NKAIN3: variants seen among roughly 807,000 people sequenced by gnomAD.
The protein encoded by NKAIN3 is sodium/potassium transporting ATPase interacting 3.
Under a neutral mutation model 30.2 loss-of-function variants are expected in NKAIN3, and 25 were observed. The observed-to-expected ratio is 0.83, with a 90% CI of 0.60 to 1.16. NKAIN3 has a LOEUF of 1.16. Among genes scored for constraint, NKAIN3 ranks in the 50% most tolerant of loss-of-function variants. The pLI is 0.00. For synonymous variants in NKAIN3, 91 were observed against 89.6 expected, an observed-to-expected ratio of 1.02 and a Z score of -0.09; for missense variants, 225 against 254.1, an observed-to-expected ratio of 0.89 and a Z score of 0.78.
chr8:62,841,380 T>C (rs1819527172), intron 4 of NKAIN3, among the ~76,000 whole-genome samples: 1 of 152,076 alleles, frequency 6.6e-6, no homozygotes, highest in Non-Finnish European at 1.5e-5. Flanking sequence ...TTATTGGCTA[T>C]GGTCACCCTG....
At chr8:62,482,428 C>G (rs1157785323) in intron 1 of NKAIN3, 1 of 152,186 alleles carries the variant, frequency 6.6e-6, no homozygotes, top group Non-Finnish European at 1.5e-5. Flanking sequence ...TTACTTCCAC[C>G]AATTTCAATC....
intron 1 of NKAIN3, among the ~76,000 whole-genome samples, chr8:62,531,491 C>A (rs891858256): frequency 6.6e-6 from 1 of 152,174 alleles, no homozygotes; most frequent in East Asian, 1.9e-4. Context: ...CAGTAGAAAG[C>A]CACACTGGGT....
chr8:62,500,906 G>T (rs1807428699), intron 1 of NKAIN3, among the ~76,000 whole-genome samples: 1 of 152,104 alleles, frequency 6.6e-6, no homozygotes, highest in Admixed American at 6.6e-5. Flanking sequence ...CACCTAGAGA[G>T]CTGCAGGGAT....
chr8:62,844,930 G>A (rs919026254), intron 4 of NKAIN3, among the ~76,000 whole-genome samples: 33 of 151,862 alleles, frequency 2.2e-4, no homozygotes, highest in Non-Finnish European at 1.2e-4. Flanking sequence ...TACTGTCTAC[G>A]AAGGGGCCCC....
At chr8:62,809,316 TTAAAG>T (rs1384986925) in intron 4 of NKAIN3, among the ~76,000 whole-genome samples, 1 of 152,158 alleles carries the variant, frequency 6.6e-6, no homozygotes, top group Non-Finnish European at 1.5e-5. Flanking sequence ...GATTAAGAGA[TTAAAG>T]TAAAGACAGG....
chr8:62,790,885 G>A (rs1817685482), intron 4 of NKAIN3, among the ~76,000 whole-genome samples: 1 of 152,006 alleles, frequency 6.6e-6, no homozygotes, highest in African/African-American at 2.4e-5. Context: ...TCTCTGCCTA[G>A]GTGAGTGGTA....
At chr8:62,623,520 A>T (rs1017766491) in intron 3 of NKAIN3, among the ~76,000 whole-genome samples, 1 of 152,062 alleles carries the variant, frequency 6.6e-6, no homozygotes, top group African/African-American at 2.4e-5. Context: ...ACACACTGTT[A>T]TCTATTAGAT....
At chr8:62,482,714 T>A (rs1225829503) in intron 1 of NKAIN3, 1 of 152,214 alleles carries the variant, frequency 6.6e-6, no homozygotes, top group Non-Finnish European at 1.5e-5. Context: ...GGCCCTCCCT[T>A]CGGGGTCACC....
intron 4 of NKAIN3, among the ~76,000 whole-genome samples, chr8:62,832,933 A>G (rs985323452): frequency 6.6e-6 from 1 of 152,158 alleles, no homozygotes; most frequent in Admixed American, 6.6e-5. Context: ...AATAGACCAC[A>G]TGCTCAGCCA....
At chr8:62,484,299 G>A (rs1261120678) in intron 1 of NKAIN3, among the ~76,000 whole-genome samples, 6 of 152,112 alleles carry the variant, frequency 3.9e-5, no homozygotes, top group African/African-American at 1.4e-4. Context: ...TCGCCCCCAG[G>A]CATCTTCCTA....
At chr8:62,334,745 T>G (rs1427277295) in intron 1 of NKAIN3, among the ~76,000 whole-genome samples, 1 of 152,046 alleles carries the variant, frequency 6.6e-6, no homozygotes, top group Non-Finnish European at 1.5e-5. Context: ...GGCTGGGCAA[T>G]TCTCCATGTG....
At chr8:62,925,926 G>A (rs4527862) in intron 5 of NKAIN3, among the ~76,000 whole-genome samples, 79,505 of 151,898 alleles carry the variant, frequency 0.52, 21,169 homozygotes, top group East Asian at 0.71. Flanking sequence ...CTCAGAAGGA[G>A]GAATCACATC....
At chr8:62,545,496 G>T (rs1808975052) in intron 1 of NKAIN3, among the ~76,000 whole-genome samples, 1 of 152,158 alleles carries the variant, frequency 6.6e-6, no homozygotes, top group African/African-American at 2.4e-5. Flanking sequence ...TTGAACCTGG[G>T]AGGTGGAGGT....
chr8:62,922,878 C>T (rs559845353), intron 5 of NKAIN3, among the ~76,000 whole-genome samples: 6 of 152,140 alleles, frequency 3.9e-5, no homozygotes, highest in Admixed American at 2.6e-4. Flanking sequence ...ATGGCTCTGC[C>T]AAATAGCTAC....
At chr8:62,644,903 G>T (rs939115283) in intron 3 of NKAIN3, among the ~76,000 whole-genome samples, 1 of 152,074 alleles carries the variant, frequency 6.6e-6, no homozygotes, top group African/African-American at 2.4e-5. Context: ...TGTTTTTTAT[G>T]CAGGCAGGCC....
intron 5 of NKAIN3, among the ~76,000 whole-genome samples, chr8:62,939,736 C>T (rs1417080926): frequency 4.1e-4 from 63 of 152,096 alleles, no homozygotes; most frequent in South Asian, 2.1e-4. Flanking sequence ...GCCAGCACTA[C>T]AAGAACTGTT....
intron 4 of NKAIN3, among the ~76,000 whole-genome samples, chr8:62,818,326 C>T (rs1351348): frequency 2.0e-5 from 3 of 152,074 alleles, no homozygotes; most frequent in Non-Finnish European, 2.9e-5. Flanking sequence ...GAAAAAGTTT[C>T]AAAACTAAGG....
downstream of NKAIN3, among the ~76,000 whole-genome samples, chr8:62,986,210 C>G (rs891954073): frequency 3.3e-5 from 5 of 152,116 alleles, no homozygotes; most frequent in East Asian, 9.6e-4. Context: ...AGTGGCTAAC[C>G]CGGAGATTCA....
rs183010044 is a variant in NKAIN3 at position 62,538,442 on chromosome 8, T to C, written c.55-41097T>C. On this transcript the variant is annotated intron_variant, in intron 1 of 6. Transcript: ENST00000623646. ...CCCCCACCTCGGCCTCCCAAAGTGCTGGGATTACAGGCATGAGCCACCACT... is the reference window on the plus strand; with the variant it reads ...CCCCCACCTCGGCCTCCCAAAGTGCCGGGATTACAGGCATGAGCCACCACT... Among the ~76,000 whole-genome samples the C allele has an allele frequency of 2.2e-4, 33 of 152,324 alleles. 1 individual carries two copies. The highest frequency in any genetic ancestry group is 2.1e-3 in the Admixed American group (32 of 15,306).
Sources: allele counts gnomAD v4.1 joint callset (sites outside exome capture counted in the v4.1 genomes callset), GRCh38; gene constraint gnomAD v4.1.1; transcripts MANE v1.5; gene names NCBI Gene and HGNC (gene_info 2026-07-23, HGNC 2026-07-21).